The following PSTPIP2 variants were observed in gnomAD, a reference collection of about 807,000 sequenced individuals.
PSTPIP2 encodes proline-serine-threonine phosphatase-interacting protein 2.
Under a neutral mutation model 63.3 loss-of-function variants are expected in PSTPIP2, and 33 were observed. The observed-to-expected ratio is 0.52, with a 90% confidence interval of 0.40 to 0.70. PSTPIP2 has a LOEUF of 0.70. PSTPIP2 is among the 30% of genes least tolerant of loss of function. PSTPIP2 has a pLI of 0.00. For synonymous variants in PSTPIP2, 125 were observed against 132.7 expected, an observed-to-expected ratio of 0.94 and a Z score of 0.40; for missense variants, 312 against 400.7, an observed-to-expected ratio of 0.78 and a Z score of 1.89.
intron 1 of PSTPIP2, among the ~76,000 whole-genome samples, chr18:46,049,472 T>A (rs58360744): frequency 2.7e-5 from 4 of 148,188 alleles, no homozygotes. Flanking sequence ...AATAAAAGTT[T>A]AAAAAAAAAA....
chr18:45,994,459 TTCACA>T (rs1328396639), intron 9 of PSTPIP2, among the ~76,000 whole-genome samples: 3 of 152,216 alleles, frequency 2.0e-5, no homozygotes, highest in Non-Finnish European at 4.4e-5. Flanking sequence ...CATACTTGAA[TTCACA>T]TCAGAATCAC....
At chr18:46,035,748 C>A (rs1294605347) in intron 2 of PSTPIP2, among the ~76,000 whole-genome samples, 1 of 152,112 alleles carries the variant, frequency 6.6e-6, no homozygotes, top group African/African-American at 2.4e-5. Context: ...GTCATAAACA[C>A]AGGGGTTGTA....
chr18:46,034,567 A>G (rs1005033689), intron 2 of PSTPIP2, among the ~76,000 whole-genome samples: 9 of 152,208 alleles, frequency 5.9e-5, no homozygotes, highest in African/African-American at 2.2e-4. Flanking sequence ...ACTTAATATA[A>G]CAATATTAGT....
intron 2 of PSTPIP2, among the ~76,000 whole-genome samples, chr18:46,026,421 A>G (rs762641545): frequency 5.3e-5 from 8 of 152,180 alleles, no homozygotes; most frequent in Non-Finnish European, 8.8e-5. Flanking sequence ...CCTTATTCCT[A>G]TTAATTTGGT....
At position 45,992,117 on chromosome 18, in the gene PSTPIP2, T is replaced by C. The variant is rs2051541333; in HGVS notation, c.827A>G (p.Gln276Arg). 1.2e-6 allele frequency: 2 copies of C among 1,607,628 alleles called. No individual in the cohort carries two copies. The highest frequency in any genetic ancestry group is 1.7e-6 in the Non-Finnish European group (2 of 1,176,588). ...ACTGCCCCATTCACCTGGTGGAATC[T>C]GTCCAGTTTTGCGTTGATTCACAAA... Reference protein sequence around the residue: ...EYFVNQRKTGQIPPAPIMYEN... With the variant: ...EYFVNQRKTGRIPPAPIMYEN... The change falls in exon 11 of 15, where the codon CAG becomes CGG. Residue 276 changes from glutamine (Q) to arginine (R), a missense_variant. Physicochemically the swap from Gln to Arg is conservative, Grantham distance 43. Transcript: ENST00000409746.
At chr18:45,993,797 T>G in intron 9 of PSTPIP2, 94 bp from the exon 10 acceptor site, 2 of 1,051,406 alleles carry the variant, frequency 1.9e-6, no homozygotes, top group Non-Finnish European at 2.9e-6. Flanking sequence ...CAACCTTCAG[T>G]TATCTGTAAA....
Position 45,992,216 on chromosome 18 carries a change from G to GT in PSTPIP2, c.742-15dup. ...TTGTTCGTACATCTAATAAAAAAAG[G>GT]TCAATTAATAGGTAGAGGTATGTTG... On this transcript the variant is annotated splice_polypyrimidine_tract_variant and intron_variant, in intron 10 of 14. Transcript: ENST00000409746. The GT allele has an allele frequency of 7.2e-7, 1 of 1,393,318 alleles. No individual in the cohort carries two copies. The highest frequency in any genetic ancestry group is 9.8e-7 in the Non-Finnish European group (1 of 1,021,178). The allele number at this position is 1,393,318 out of a possible 1,614,324, so 86.3% of individuals were successfully genotyped here. A position where few individuals can be genotyped will look rare whatever the true frequency, so the allele number is the denominator to read the frequency against.
At chr18:46,055,753 GA>G (rs1238001435) in intron 1 of PSTPIP2, among the ~76,000 whole-genome samples, 2 of 152,210 alleles carry the variant, frequency 1.3e-5, no homozygotes, top group Non-Finnish European at 1.5e-5. Flanking sequence ...ACTGACACTT[GA>G]TATACTTTTT....
At chr18:46,044,727 C>T (rs1433179937) in intron 1 of PSTPIP2, among the ~76,000 whole-genome samples, 3 of 152,080 alleles carry the variant, frequency 2.0e-5, no homozygotes, top group African/African-American at 7.2e-5. Flanking sequence ...AGGCAACCTA[C>T]AAAATGGGAG....
In PSTPIP2 at chr18:46,040,976, G is replaced by A. The variant is rs139080339; in HGVS notation, c.34-929C>T. 5.0e-4 allele frequency: 228 copies of A among 456,472 alleles called. 2 individuals carry two copies. In the East Asian group the frequency reaches 0.012, roughly 24 times the overall value. The allele number at this position is 456,472 out of a possible 1,614,324, so 28.3% of individuals were successfully genotyped here. On this transcript the variant is annotated intron_variant, in intron 1 of 14. Coordinates refer to ENST00000409746, the MANE Select transcript of PSTPIP2 (RefSeq NM_024430.4). ...TACTGCCGGATGGAAACTGACTCACGCTACAGGACCATGTAACCTGGTGCT... is the reference window on the plus strand; with the variant it reads ...TACTGCCGGATGGAAACTGACTCACACTACAGGACCATGTAACCTGGTGCT...
chr18:46,027,641 G>A (rs1280506546), intron 2 of PSTPIP2, among the ~76,000 whole-genome samples: 1 of 152,094 alleles, frequency 6.6e-6, no homozygotes, highest in African/African-American at 2.4e-5. Context: ...AGTGAACCGT[G>A]ACTGCGCCAC....
chr18:46,020,631 G>A (rs988068237), intron 3 of PSTPIP2, among the ~76,000 whole-genome samples: 11 of 152,014 alleles, frequency 7.2e-5, no homozygotes, highest in Admixed American at 6.6e-4. Context: ...CAGCCTGGGT[G>A]ACAGAGTGAG....
chr18:46,057,727 G>A (rs1908814035), intron 1 of PSTPIP2, among the ~76,000 whole-genome samples: 1 of 152,138 alleles, frequency 6.6e-6, no homozygotes, highest in African/African-American at 2.4e-5. Flanking sequence ...GCCAGGCGTG[G>A]TGGCTCACAC....
intron 2 of PSTPIP2, among the ~76,000 whole-genome samples, chr18:46,032,330 C>A (rs1907812195): frequency 2.0e-5 from 3 of 152,136 alleles, no homozygotes; most frequent in Non-Finnish European, 4.4e-5. Flanking sequence ...ACAGAAGAGG[C>A]AATACCACAC....
intron 12 of PSTPIP2, among the ~76,000 whole-genome samples, chr18:45,991,526 C>T (rs2051532615): frequency 6.6e-6 from 1 of 152,106 alleles, no homozygotes; most frequent in Admixed American, 6.6e-5. Flanking sequence ...ATTGTCTTGA[C>T]TTTTTTCCAG....
intron 10 of PSTPIP2, among the ~76,000 whole-genome samples, 194 bp from the exon 11 acceptor site, chr18:45,992,396 G>A (rs902396112): frequency 6.6e-6 from 1 of 151,564 alleles, no homozygotes; most frequent in African/African-American, 2.4e-5. Context: ...CCCCATCTCT[G>A]TTTAAAATAC....
chr18:46,048,593 C>T (rs1908465535), intron 1 of PSTPIP2, among the ~76,000 whole-genome samples: 1 of 152,142 alleles, frequency 6.6e-6, no homozygotes, highest in Non-Finnish European at 1.5e-5. Context: ...AACACATGGC[C>T]TGAATCTAAT....
At chr18:46,048,362 G>C (rs189739464) in intron 1 of PSTPIP2, among the ~76,000 whole-genome samples, 3 of 152,214 alleles carry the variant, frequency 2.0e-5, no homozygotes, top group Non-Finnish European at 4.4e-5. Flanking sequence ...CTAGCCAAGT[G>C]AAACTCACTT....
At chr18:46,040,605 A>G (rs1017758507) in intron 1 of PSTPIP2, among the ~76,000 whole-genome samples, 2 of 152,196 alleles carry the variant, frequency 1.3e-5, no homozygotes, top group Admixed American at 1.3e-4. Flanking sequence ...GTGCCCTGCA[A>G]TAAATGCCTT....
Sources: allele counts gnomAD v4.1 joint callset (sites outside exome capture counted in the v4.1 genomes callset), GRCh38; gene constraint gnomAD v4.1.1; transcripts MANE v1.5; gene names NCBI Gene and HGNC (gene_info 2026-07-23, HGNC 2026-07-21).